CACHD1: variants seen among roughly 807,000 people sequenced by gnomAD.
The protein encoded by CACHD1 is VWFA and cache domain-containing protein 1.
CACHD1 carries 71 observed loss-of-function variants against 138.7 expected under a neutral mutation model. The ratio of observed to expected loss-of-function variants is 0.51; its 90% CI spans 0.42 to 0.62. CACHD1 has a LOEUF of 0.62. Among genes scored for constraint, CACHD1 ranks in the 20% least tolerant of loss-of-function variants. The pLI, the probability that CACHD1 is intolerant of heterozygous loss-of-function variation, is 0.00. For synonymous variants in CACHD1, 578 were observed against 591.5 expected, an observed-to-expected ratio of 0.98 and a Z score of 0.33; for missense variants, 1,389 against 1,625.3, an observed-to-expected ratio of 0.85 and a Z score of 2.50.
At position 64,470,307 on chromosome 1, in the gene CACHD1, C is replaced by G. The variant is rs1176058368; in HGVS notation, c.-438C>G. 6.6e-6 allele frequency among the ~76,000 whole-genome samples: 1 copy of G among 151,942 alleles called. No individual in the cohort carries two copies. On this transcript the variant is annotated 5_prime_UTR_variant, in exon 1 of 27. Coordinates refer to ENST00000651257, the MANE Select transcript of CACHD1 (RefSeq NM_020925.4). This position sits in a 1 kb window ranked among gnomAD's most constrained non-coding sequence, Gnocchi z 5.2. ...GCCGCTCCTCTTCCCCGGGGGCCGC[C>G]GTCAGTCCTCGCCGCCGCCTGCTCG... is the stretch of plus-strand genomic sequence containing the variant.
chr1:64,630,007 A>G (rs1465609297), intron 5 of CACHD1, among the ~76,000 whole-genome samples: 1 of 152,192 alleles, frequency 6.6e-6, no homozygotes, highest in African/African-American at 2.4e-5. Flanking sequence ...ACATGACTTG[A>G]GATTCTACCA....
chr1:64,616,064 G>A (rs1247591287), intron 4 of CACHD1, among the ~76,000 whole-genome samples: 1 of 152,118 alleles, frequency 6.6e-6, no homozygotes, highest in African/African-American at 2.4e-5. Flanking sequence ...GAGATAGATT[G>A]CTTAAGATGA....
At position 64,658,688 on chromosome 1, in the gene CACHD1, T is replaced by C; in HGVS notation, c.1783-17T>C. On this transcript the variant is annotated splice_polypyrimidine_tract_variant and intron_variant, in intron 12 of 26. Coordinates refer to ENST00000651257, the MANE Select transcript of CACHD1 (RefSeq NM_020925.4). ...CCCTCATTTTCTAGGTCAGAAATTC[T>C]TTATTGATTTTTACAGGTACAAGAC... is the stretch of plus-strand genomic sequence containing the variant. 6 of 1,584,138 alleles carry C rather than the reference T, an allele frequency of 3.8e-6. No homozygotes were observed. The highest frequency in any genetic ancestry group is 5.2e-6 in the Non-Finnish European group (6 of 1,162,368).
chr1:64,628,709 A>G (rs1047640072), intron 4 of CACHD1, among the ~76,000 whole-genome samples: 3 of 152,120 alleles, frequency 2.0e-5, no homozygotes, highest in African/African-American at 7.2e-5. Context: ...TCTTTGATAA[A>G]TCACTTAAGC....
chr1:64,541,078 G>A (rs1212331703), intron 1 of CACHD1, among the ~76,000 whole-genome samples: 2 of 152,198 alleles, frequency 1.3e-5, no homozygotes, highest in African/African-American at 4.8e-5. Flanking sequence ...GGAAAGACTT[G>A]TTAATTGTTG....
chr1:64,657,963 T>A (rs1237436919), intron 12 of CACHD1, among the ~76,000 whole-genome samples: 2 of 152,192 alleles, frequency 1.3e-5, no homozygotes, highest in African/African-American at 4.8e-5. Context: ...GTGGTGGACA[T>A]TGTCCCCACT....
intron 16 of CACHD1, among the ~76,000 whole-genome samples, chr1:64,669,646 G>A (rs1317217318): frequency 6.6e-6 from 1 of 152,056 alleles, no homozygotes; most frequent in Non-Finnish European, 1.5e-5. Context: ...CGGAAGTATT[G>A]CAAACAGCCT....
chr1:64,643,524 T>C (rs1251814647), intron 8 of CACHD1, among the ~76,000 whole-genome samples: 1 of 152,210 alleles, frequency 6.6e-6, no homozygotes, highest in Admixed American at 6.5e-5. Flanking sequence ...AAGTTCTTAA[T>C]GTAGTACCTG....
chr1:64,688,833 C>T (rs745617586), intron 26 of CACHD1, among the ~76,000 whole-genome samples: 1 of 152,122 alleles, frequency 6.6e-6, no homozygotes, highest in Non-Finnish European at 1.5e-5. Flanking sequence ...GCTGTTGTAC[C>T]ATTGCATGTG....
intron 2 of CACHD1, among the ~76,000 whole-genome samples, chr1:64,576,049 T>C (rs1189804989): frequency 6.6e-6 from 1 of 152,190 alleles, no homozygotes; most frequent in Non-Finnish European, 1.5e-5. Flanking sequence ...CGCTACCTAC[T>C]GATCATTTGA....
At chr1:64,684,172 T>C (rs1011096693) in intron 26 of CACHD1, among the ~76,000 whole-genome samples, 5 of 152,232 alleles carry the variant, frequency 3.3e-5, no homozygotes, top group African/African-American at 1.2e-4. Context: ...TGTGCTTTAT[T>C]TTTTGAGACG....
intron 1 of CACHD1, among the ~76,000 whole-genome samples, chr1:64,505,125 G>C (rs1267922767): frequency 6.6e-6 from 1 of 152,136 alleles, no homozygotes; most frequent in Non-Finnish European, 1.5e-5. Flanking sequence ...TGTGAAACTA[G>C]AGGTATAGAG....
intron 3 of CACHD1, among the ~76,000 whole-genome samples, chr1:64,582,655 G>T (rs1185845699): frequency 2.0e-5 from 3 of 152,148 alleles, no homozygotes; most frequent in Admixed American, 2.0e-4. Context: ...TTAAGGGAGT[G>T]CCTTTTGTCT....
chr1:64,556,975 C>T (rs1014353311), intron 2 of CACHD1, among the ~76,000 whole-genome samples: 4 of 151,918 alleles, frequency 2.6e-5, no homozygotes, highest in Admixed American at 6.6e-5. Context: ...AAAAATTAGC[C>T]GGGCGTGGTG....
chr1:64,565,429 T>C (rs968628209), intron 2 of CACHD1, among the ~76,000 whole-genome samples: 5 of 152,132 alleles, frequency 3.3e-5, no homozygotes, highest in African/African-American at 1.2e-4. Flanking sequence ...AGGACCAGAG[T>C]AAACAGGGGG....
chr1:64,498,334 CTTTAT>C (rs1400540569), intron 1 of CACHD1, among the ~76,000 whole-genome samples: 2 of 152,186 alleles, frequency 1.3e-5, no homozygotes, highest in Non-Finnish European at 2.9e-5. Flanking sequence ...TACTTATTCT[CTTTAT>C]TTTTTCACTA....
intron 4 of CACHD1, among the ~76,000 whole-genome samples, chr1:64,606,646 A>G (rs1056966484): frequency 6.6e-6 from 1 of 152,236 alleles, no homozygotes; most frequent in Non-Finnish European, 1.5e-5. Context: ...TAGACTGGAC[A>G]AGGCAAAGGT....
At chr1:64,613,851 A>G (rs1259493198) in intron 4 of CACHD1, among the ~76,000 whole-genome samples, 1 of 152,136 alleles carries the variant, frequency 6.6e-6, no homozygotes, top group Non-Finnish European at 1.5e-5. Context: ...CTCCTGCCAC[A>G]TGCTGGTGAA....
intron 5 of CACHD1, among the ~76,000 whole-genome samples, chr1:64,629,774 C>A (rs1648237923): frequency 6.6e-6 from 1 of 152,056 alleles, no homozygotes; most frequent in Non-Finnish European, 1.5e-5. Flanking sequence ...TTTCAGAATT[C>A]TTTGTTGAAA....
Sources: allele counts gnomAD v4.1 joint callset (sites outside exome capture counted in the v4.1 genomes callset), GRCh38; gene constraint gnomAD v4.1.1; non-coding constraint Gnocchi (gnomAD v3.1); transcripts MANE v1.5; gene names NCBI Gene and HGNC (gene_info 2026-07-23, HGNC 2026-07-21).